DCHS2: variants seen among roughly 807,000 people sequenced by gnomAD.
The protein encoded by DCHS2 is protocadherin-23.
In DCHS2, 142 loss-of-function variants were observed where a neutral mutation model predicts 182.4. The ratio of observed to expected loss-of-function variants is 0.78; its 90% CI spans 0.68 to 0.89. The LOEUF is 0.89. Ranked by LOEUF, DCHS2 falls within the 40% of genes least tolerant of loss-of-function variation. The probability of loss-of-function intolerance (pLI) is 0.00; values close to 1 mark genes in which losing one functional copy is unlikely to be tolerated. For synonymous variants in DCHS2, 1,740 were observed against 1,663.3 expected (o/e 1.05, Z -1.12); for missense variants, 4,319 against 4,198.6 (o/e 1.03, Z -0.79).
chr4:154,332,626 A>G lies in DCHS2; in HGVS notation c.3582T>C (p.Asp1194=). 1.9e-6 allele frequency: 3 copies of G among 1,614,240 alleles called. No individual in the cohort carries two copies. The highest frequency in any genetic ancestry group is 2.5e-6 in the Non-Finnish European group (3 of 1,180,038). ...TCTCTTCGACTTTCAAAAACAACAC[A>G]TCATGCAAGAAGGTGGGGGAATTGT... ...ENDNSPTFLH[D]VLFLKVEESP... Residue 1194 remains aspartate, a synonymous_variant, in exon 5 of 20, where the codon GAT becomes GAC. Coordinates refer to ENST00000357232, the MANE Select transcript of DCHS2 (RefSeq NM_001358235.2).
At chr4:154,335,208 A>T in intron 3 of DCHS2, 104 bp from the exon 4 acceptor site, 8 of 798,344 alleles carry the variant, frequency 1.0e-5, no homozygotes, top group Non-Finnish European at 1.7e-5. Context: ...GTTTTATTTT[A>T]TGTGTTAACT....
chr4:154,412,510 C>T (rs1732673166), intron 1 of DCHS2, among the ~76,000 whole-genome samples: 1 of 152,032 alleles, frequency 6.6e-6, no homozygotes, highest in African/African-American at 2.4e-5. Context: ...CAATGGGTCC[C>T]TCACCGAGAA....
At chr4:154,357,874 C>T (rs1729946104) in intron 3 of DCHS2, among the ~76,000 whole-genome samples, 1 of 152,168 alleles carries the variant, frequency 6.6e-6, no homozygotes, top group Non-Finnish European at 1.5e-5. Flanking sequence ...TAGTGTGTCT[C>T]CACTTAAGAA....
At chr4:154,335,419 C>A (rs1728750182) in intron 3 of DCHS2, among the ~76,000 whole-genome samples, 1 of 152,198 alleles carries the variant, frequency 6.6e-6, no homozygotes, top group African/African-American at 2.4e-5. Flanking sequence ...CTGCTCCCAA[C>A]CTGGGGCACT....
chr4:154,418,790 T>C (rs762827844), intron 1 of DCHS2, among the ~76,000 whole-genome samples: 2 of 152,214 alleles, frequency 1.3e-5, no homozygotes, highest in African/African-American at 2.4e-5. Flanking sequence ...ATGACTACAA[T>C]AGGAAACACA....
chr4:154,248,054 T>G (rs1732168086), intron 16 of DCHS2, among the ~76,000 whole-genome samples: 1 of 152,234 alleles, frequency 6.6e-6, no homozygotes, highest in South Asian at 2.1e-4. Context: ...ATAGAATATT[T>G]GATGAAAGGC....
intron 13 of DCHS2, among the ~76,000 whole-genome samples, chr4:154,281,303 A>G (rs560952082): frequency 6.6e-6 from 1 of 152,316 alleles, no homozygotes; most frequent in East Asian, 1.9e-4. Flanking sequence ...AGATCCCACA[A>G]GAAAAACTAA....
Position 154,257,380 on chromosome 4 carries a change from A to G in DCHS2, c.6790-1710T>C, listed in dbSNP as rs147664735. Among the ~76,000 whole-genome samples the G allele has an allele frequency of 7.3e-4, 111 of 152,324 alleles. 2 individuals carry two copies. The highest frequency in any genetic ancestry group is 2.4e-3 in the African/African-American group (99 of 41,574). On this transcript the variant is annotated intron_variant, in intron 15 of 19. Transcript: ENST00000357232. ...AAAGACAGTGCCCAGTGAATACAAGAGCCTGAGTGGCTCTAGGGAATGTAA... is the reference window on the plus strand; with the variant it reads ...AAAGACAGTGCCCAGTGAATACAAGGGCCTGAGTGGCTCTAGGGAATGTAA...
chr4:154,446,735 T>C (rs1338393975), intron 1 of DCHS2, among the ~76,000 whole-genome samples: 1 of 151,984 alleles, frequency 6.6e-6, no homozygotes, highest in East Asian at 1.9e-4. Flanking sequence ...CATTTGGAAA[T>C]TATCAGATTT....
intron 1 of DCHS2, among the ~76,000 whole-genome samples, chr4:154,453,379 T>C (rs954358114): frequency 2.0e-5 from 3 of 151,508 alleles, no homozygotes; most frequent in African/African-American, 7.3e-5. Context: ...GGGTTATATT[T>C]AGGAAATCAT....
chr4:154,412,384 G>A (rs1478982723), intron 1 of DCHS2, among the ~76,000 whole-genome samples: 1 of 151,950 alleles, frequency 6.6e-6, no homozygotes, highest in East Asian at 1.9e-4. Context: ...CCTCTTTTCA[G>A]TCTAGCTGCC....
chr4:154,333,278 G>T lies in DCHS2; in HGVS notation c.2930C>A (p.Pro977Gln). ...ITVMDVNDNHPAFLRTSDEIR... is the reference protein window; with the variant it reads ...ITVMDVNDNHQAFLRTSDEIR... ...CTCATCCGAGGTCCTGAGGAACGCTGGGTGGTTGTCATTGACATCCATGAC... is the reference window on the plus strand; with the variant it reads ...CTCATCCGAGGTCCTGAGGAACGCTTGGTGGTTGTCATTGACATCCATGAC... The change falls in exon 5 of 20, where the codon CCA becomes CAA. Residue 977 changes from proline to glutamine, a missense_variant. Transcript: ENST00000357232. 1.2e-6 allele frequency: 2 copies of T among 1,614,208 alleles called. 1 individual carries two copies. The highest frequency in any genetic ancestry group is 1.7e-6 in the Non-Finnish European group (2 of 1,180,036).
intron 2 of DCHS2, among the ~76,000 whole-genome samples, chr4:154,367,818 G>T (rs1363302748): frequency 6.6e-6 from 1 of 152,134 alleles, no homozygotes; most frequent in African/African-American, 2.4e-5. Context: ...AGGGAGAACT[G>T]CTGCCATGCA....
intron 14 of DCHS2, among the ~76,000 whole-genome samples, chr4:154,263,749 T>C (rs1182115486): frequency 6.7e-6 from 1 of 148,418 alleles, no homozygotes; most frequent in Non-Finnish European, 1.5e-5. Flanking sequence ...ATAACTGAAA[T>C]TTGCTGAAGT....
intron 1 of DCHS2, among the ~76,000 whole-genome samples, chr4:154,386,835 C>T (rs1415481443): frequency 1.3e-5 from 2 of 152,132 alleles, no homozygotes; most frequent in Non-Finnish European, 2.9e-5. Context: ...CAAGATGGTT[C>T]GTGACACTCA....
At chr4:154,470,826 C>T (rs966212152) in intron 1 of DCHS2, among the ~76,000 whole-genome samples, 1 of 152,162 alleles carries the variant, frequency 6.6e-6, no homozygotes, top group African/African-American at 2.4e-5. Flanking sequence ...ATTTTACCAC[C>T]TACCACCATA....
chr4:154,362,710 G>A (rs774043835), intron 3 of DCHS2, among the ~76,000 whole-genome samples: 3 of 151,946 alleles, frequency 2.0e-5, no homozygotes, highest in South Asian at 2.1e-4. Flanking sequence ...TACCACCTCC[G>A]ACACCCACGA....
intron 13 of DCHS2, among the ~76,000 whole-genome samples, chr4:154,297,343 G>T (rs932394284): frequency 5.9e-5 from 9 of 152,170 alleles, no homozygotes; most frequent in African/African-American, 1.9e-4. Context: ...TATTGCTTCA[G>T]ATGTCTTGAC....
At chr4:154,361,326 A>G (rs1730110729) in intron 3 of DCHS2, among the ~76,000 whole-genome samples, 1 of 152,106 alleles carries the variant, frequency 6.6e-6, no homozygotes, top group Admixed American at 6.6e-5. Flanking sequence ...CTGAATCTAA[A>G]ATAAAAGTTG....
Sources: gnomAD v4.1 joint callset for allele counts (sites outside exome capture counted in the v4.1 genomes callset) on GRCh38, gnomAD v4.1.1 for gene constraint, MANE v1.5 for transcripts, NCBI Gene and HGNC (gene_info 2026-07-23, HGNC 2026-07-21) for gene names.